Variants in RNF185 observed in about 807,000 individuals in gnomAD.
RNF185 encodes the protein ring finger protein 185.
A neutral mutation model predicts 24.9 loss-of-function variants in RNF185; 13 were observed. That is an observed-to-expected ratio of 0.52 (90% CI 0.34 to 0.83). The LOEUF (loss-of-function observed/expected upper bound fraction) is 0.83. Among genes scored for constraint, RNF185 ranks in the 40% least tolerant of loss-of-function variants. The pLI, the probability that RNF185 is intolerant of heterozygous loss-of-function variation, is 0.01. For synonymous variants in RNF185, 79 were observed against 90.3 expected (o/e 0.88, Z 0.71); for missense variants, 184 against 244.7 (o/e 0.75, Z 1.65).
chr22:31,187,622 C>T (rs1356223064), intron 2 of RNF185, among the ~76,000 whole-genome samples: 1 of 152,176 alleles, frequency 6.6e-6, no homozygotes, highest in Non-Finnish European at 1.5e-5. Context: ...TTGACTCTGC[C>T]ACCTTCCTGT....
At chr22:31,174,133 G>A (rs2047958551) in intron 1 of RNF185, among the ~76,000 whole-genome samples, 1 of 152,210 alleles carries the variant, frequency 6.6e-6, no homozygotes, top group Non-Finnish European at 1.5e-5. Flanking sequence ...ACTGTCTTGT[G>A]AGGAAGATAT....
At chr22:31,179,796 A>G (rs867928960) in intron 1 of RNF185, among the ~76,000 whole-genome samples, 2 of 152,186 alleles carry the variant, frequency 1.3e-5, no homozygotes, top group African/African-American at 4.8e-5. Flanking sequence ...AGTATGGGCC[A>G]TGCACAGCTT....
intron 1 of RNF185, among the ~76,000 whole-genome samples, chr22:31,184,036 C>T (rs1432476660): frequency 8.7e-5 from 13 of 148,874 alleles, no homozygotes; most frequent in Non-Finnish European, 1.6e-4. Flanking sequence ...ACCTCCCGGA[C>T]GGGGCGGCTG....
In RNF185 at chr22:31,195,529, G is replaced by A. The variant is rs751601088; in HGVS notation, c.256G>A (p.Asp86Asn). 10 of 1,611,618 alleles carry A rather than the reference G, an allele frequency of 6.2e-6. No homozygotes were observed. Among genetic ancestry groups the A allele is most frequent in the Non-Finnish European group, 5.1e-6 (6 of 1,179,002 alleles). ...TGTTTGCAAAGCTGGCATCAGCCGAGACAAGGTCATCCCCCTCTATGGAAG... is the reference window on the plus strand; with the variant it reads ...TGTTTGCAAAGCTGGCATCAGCCGAAACAAGGTCATCCCCCTCTATGGAAG... ...CPVCKAGISR[D>N]KVIPLYGRGS... is the part of the protein sequence containing the mutation. Residue 86 changes from aspartate (D) to asparagine (N), a missense_variant, in exon 4 of 7, where the codon GAC becomes AAC. Asp to Asn is a conservative substitution (Grantham distance 23). Coordinates refer to ENST00000326132, the MANE Select transcript of RNF185 (RefSeq NM_152267.4).
chr22:31,167,610 CT>C (rs150121453), intron 1 of RNF185, among the ~76,000 whole-genome samples: 1,380 of 107,330 alleles, frequency 0.013, 6 homozygotes, highest in African/African-American at 0.034. Flanking sequence ...GGGTTTTTTC[CT>C]TTTTTTTTTT....
At chr22:31,169,092 G>A (rs1924124069) in intron 1 of RNF185, among the ~76,000 whole-genome samples, 1 of 152,082 alleles carries the variant, frequency 6.6e-6, no homozygotes, top group South Asian at 2.1e-4. Flanking sequence ...TGTATTTTTA[G>A]TAGAGACAAG....
At chr22:31,188,955 TA>T (rs34561325) in intron 2 of RNF185, among the ~76,000 whole-genome samples, 130 of 118,072 alleles carry the variant, frequency 1.1e-3, no homozygotes, top group African/African-American at 1.7e-3. Flanking sequence ...CCGTTTCTAC[TA>T]AAAAAAAAAA....
At chr22:31,164,847 A>G (rs925833415) in intron 1 of RNF185, among the ~76,000 whole-genome samples, 11 of 151,806 alleles carry the variant, frequency 7.2e-5, no homozygotes, top group African/African-American at 1.2e-4. Context: ...CGGCCTCCCA[A>G]AGTTCTGGGA....
chr22:31,185,959 C>T (rs891366221), intron 1 of RNF185, among the ~76,000 whole-genome samples: 1 of 152,280 alleles, frequency 6.6e-6, no homozygotes, highest in East Asian at 1.9e-4. Context: ...AAGGTAACTG[C>T]AGTTTCCTAA....
chr22:31,167,353 G>A (rs1923991080), intron 1 of RNF185, among the ~76,000 whole-genome samples: 2 of 151,890 alleles, frequency 1.3e-5, no homozygotes, highest in South Asian at 4.1e-4. Flanking sequence ...ATTTTTAAAT[G>A]TACAATTCAG....
At position 31,206,238 on chromosome 22, in the gene RNF185, A is replaced by G. The variant is rs1270731438; in HGVS notation, c.*1652A>G. ...CTTCTCCTTTGTACCTGTCAACACCAGAGTTCAGTGTTTAAACAGACAAAA... is the reference window on the plus strand; with the variant it reads ...CTTCTCCTTTGTACCTGTCAACACCGGAGTTCAGTGTTTAAACAGACAAAA... On this transcript the variant is annotated 3_prime_UTR_variant, in exon 7 of 7. Coordinates refer to ENST00000326132, the MANE Select transcript of RNF185 (RefSeq NM_152267.4). 1 of 152,640 alleles carries G rather than the reference A, an allele frequency of 6.6e-6. No homozygotes were observed. The highest frequency in any genetic ancestry group is 1.5e-5 in the Non-Finnish European group (1 of 68,100). The allele number at this position is 152,640 out of a possible 1,614,324, so 9.5% of individuals were successfully genotyped here. A position where few individuals can be genotyped will look rare whatever the true frequency, so the allele number is the denominator to read the frequency against.
intron 5 of RNF185, among the ~76,000 whole-genome samples, chr22:31,197,413 A>G (rs1220119190): frequency 2.0e-5 from 3 of 152,148 alleles, no homozygotes; most frequent in Non-Finnish European, 2.9e-5. Flanking sequence ...TTACATTGCC[A>G]GCAATATTTT....
At chr22:31,160,886 C>T (rs1923529492) in intron 1 of RNF185, among the ~76,000 whole-genome samples, 1 of 152,156 alleles carries the variant, frequency 6.6e-6, no homozygotes, top group South Asian at 2.1e-4. Flanking sequence ...GGTTTAGAAT[C>T]TGAACTTATG....
intron 1 of RNF185, among the ~76,000 whole-genome samples, chr22:31,177,851 C>T (rs920121775): frequency 6.6e-6 from 1 of 152,232 alleles, no homozygotes; most frequent in Admixed American, 6.5e-5. Flanking sequence ...TGAATTCCTA[C>T]AGTTCTCTAG....
At chr22:31,182,520 C>T (rs1339201058) in intron 1 of RNF185, among the ~76,000 whole-genome samples, 1 of 152,040 alleles carries the variant, frequency 6.6e-6, no homozygotes, top group African/African-American at 2.4e-5. Context: ...GGCTGGTCTC[C>T]ACCTCCTGAG....
At position 31,195,327 on chromosome 22, in the gene RNF185, G is replaced by C. The variant is rs12627851; in HGVS notation, c.196-142G>C. ...TGCTGAATGGTAGGAGAAGGAATGGGAGTCAGGTTCCTTGAGATGTTCCCT... is the reference window on the plus strand; with the variant it reads ...TGCTGAATGGTAGGAGAAGGAATGGCAGTCAGGTTCCTTGAGATGTTCCCT... On this transcript the variant is annotated intron_variant, in intron 3 of 6. Coordinates refer to ENST00000326132, the MANE Select transcript of RNF185 (RefSeq NM_152267.4). 920 of 572,716 alleles carry C rather than the reference G, an allele frequency of 1.6e-3. 14 individuals are homozygous for C. In the East Asian group the frequency reaches 0.025, roughly 15 times the overall value. 35.5% of individuals were successfully genotyped at this position (572,716 alleles called of 1,614,324 possible).
chr22:31,195,617 C>T, intron 4 of RNF185, 36 bp downstream of exon 4: 2 of 1,344,782 alleles, frequency 1.5e-6, no homozygotes, highest in Non-Finnish European at 2.1e-6. Flanking sequence ...ACCACTTCTC[C>T]CCTTGGATGT....
chr22:31,193,285 G>C (rs1360161528), intron 3 of RNF185, among the ~76,000 whole-genome samples: 1 of 152,194 alleles, frequency 6.6e-6, no homozygotes, highest in East Asian at 1.9e-4. Flanking sequence ...GACTGCTAAA[G>C]CTTCAGAATC....
intron 1 of RNF185, among the ~76,000 whole-genome samples, chr22:31,169,257 A>G (rs913486896): frequency 2.0e-5 from 3 of 152,152 alleles, no homozygotes; most frequent in Non-Finnish European, 2.9e-5. Context: ...GGAGTTATCT[A>G]TGTATTCAGG....
Sources: gnomAD v4.1 joint callset for allele counts (sites outside exome capture counted in the v4.1 genomes callset) on GRCh38, gnomAD v4.1.1 for gene constraint, MANE v1.5 for transcripts, NCBI Gene and HGNC (gene_info 2026-07-23, HGNC 2026-07-21) for gene names.